Variants in DIAPH3 observed in about 807,000 individuals in gnomAD.
DIAPH3 encodes the protein protein diaphanous homolog 3.
In DIAPH3, 117 loss-of-function variants were observed where a neutral mutation model predicts 144.3. That is an observed-to-expected ratio of 0.81 (90% CI 0.70 to 0.95). The LOEUF (loss-of-function observed/expected upper bound fraction) is 0.95. Ranked by LOEUF, DIAPH3 falls within the 40% of genes least tolerant of loss-of-function variation. The probability of loss-of-function intolerance (pLI) is 0.00; values close to 1 mark genes in which losing one functional copy is unlikely to be tolerated. For missense variants in DIAPH3, 1,421 were observed against 1,412.7 expected (o/e 1.01, Z -0.09); for synonymous variants, 519 against 488.9 (o/e 1.06, Z -0.81).
intron 1 of DIAPH3, chr13:60,144,921 T>C (rs996170238): frequency 6.6e-6 from 1 of 152,222 alleles, no homozygotes; most frequent in Admixed American, 6.5e-5. Flanking sequence ...AGATATTGTA[T>C]AGGGATCTGT....
intron 20 of DIAPH3, 148 bp from the exon 21 acceptor site, chr13:59,879,616 A>G (rs2044873522): frequency 1.7e-6 from 2 of 1,180,074 alleles, no homozygotes; most frequent in Non-Finnish European, 2.3e-6. Context: ...AAGAGAGAAA[A>G]GCCCTGCTTG....
At chr13:59,902,007 C>T (rs1469987980) in intron 20 of DIAPH3, among the ~76,000 whole-genome samples, 1 of 152,184 alleles carries the variant, frequency 6.6e-6, no homozygotes, top group African/African-American at 2.4e-5. Flanking sequence ...TAAGTATACC[C>T]AACCTATCAG....
Position 59,666,341 on chromosome 13 carries a change from G to T in DIAPH3, c.*243C>A. 2.3e-6 allele frequency: 1 copy of T among 429,508 alleles called. No individual in the cohort carries two copies. The highest frequency in any genetic ancestry group is 3.9e-6 in the Non-Finnish European group (1 of 256,574). 26.6% of individuals were successfully genotyped at this position (429,508 alleles called of 1,614,324 possible). A position where few individuals can be genotyped will look rare whatever the true frequency, so the allele number is the denominator to read the frequency against. On this transcript the variant is annotated 3_prime_UTR_variant, in exon 28 of 28. Transcript: ENST00000400324. ...TAATTTAACCACCAAATAAAGAACT[G>T]AGGAATACCAGGAGACAAAAAAAAA... is the stretch of plus-strand genomic sequence containing the variant.
chr13:59,824,326 A>G (rs1451215093), intron 24 of DIAPH3, among the ~76,000 whole-genome samples: 1 of 152,174 alleles, frequency 6.6e-6, no homozygotes, highest in Non-Finnish European at 1.5e-5. Flanking sequence ...GCAGGCTGTT[A>G]TTATCAGAAA....
intron 24 of DIAPH3, among the ~76,000 whole-genome samples, chr13:59,817,183 A>C (rs2040822610): frequency 6.6e-6 from 1 of 151,812 alleles, no homozygotes; most frequent in South Asian, 2.1e-4. Flanking sequence ...TGTATTCTTT[A>C]ATTATCGAGT....
intron 22 of DIAPH3, among the ~76,000 whole-genome samples, chr13:59,856,123 A>G (rs2043240033): frequency 6.6e-6 from 1 of 152,204 alleles, no homozygotes; most frequent in Non-Finnish European, 1.5e-5. Context: ...GAATTGAAGC[A>G]TACTTGCAAT....
chr13:59,813,087 TAA>T (rs1396710440), intron 24 of DIAPH3, among the ~76,000 whole-genome samples: 1 of 151,548 alleles, frequency 6.6e-6, no homozygotes, highest in Non-Finnish European at 1.5e-5. Context: ...ACTGTGTATA[TAA>T]GTGTCACCTG....
At chr13:60,102,730 C>T (rs114719111) in intron 3 of DIAPH3, among the ~76,000 whole-genome samples, 403 of 152,288 alleles carry the variant, frequency 2.6e-3, no homozygotes, top group African/African-American at 9.0e-3. Flanking sequence ...CTAGCAGACC[C>T]ACACTAAACC....
chr13:60,057,759 A>T (rs183694049), intron 4 of DIAPH3, among the ~76,000 whole-genome samples: 1 of 152,070 alleles, frequency 6.6e-6, no homozygotes, highest in East Asian at 1.9e-4. Flanking sequence ...ACAACCACTG[A>T]TCATCAACAA....
At chr13:60,001,814 C>T (rs2052543680) in intron 9 of DIAPH3, among the ~76,000 whole-genome samples, 1 of 152,192 alleles carries the variant, frequency 6.6e-6, no homozygotes, top group South Asian at 2.1e-4. Flanking sequence ...CAAATGGAAG[C>T]TATGCTTAGT....
At chr13:59,717,186 C>T (rs1298195763) in intron 27 of DIAPH3, among the ~76,000 whole-genome samples, 1 of 152,010 alleles carries the variant, frequency 6.6e-6, no homozygotes, top group Non-Finnish European at 1.5e-5. Context: ...TAGAACTACT[C>T]CGAGTTTGGG....
Position 59,980,842 on chromosome 13 carries a change from C to T in DIAPH3, c.1498G>A (p.Ala500Thr). 6.2e-7 allele frequency: 1 copy of T among 1,609,174 alleles called. No homozygotes were observed. Among genetic ancestry groups the T allele is most frequent in the East Asian group, 2.2e-5 (1 of 44,720 alleles). Residue 500 changes from alanine (A) to threonine (T), a missense_variant, in exon 14 of 28, where the codon GCA becomes ACA. Transcript: ENST00000400324. ...TQFVDICIDQ[A>T]KLEEFEEKAS... ...TTCTCTTCAAACTCTTCTAGTTTTG[C>T]TTGATCTATGCAAATGTCTAAAATT...
intron 17 of DIAPH3, among the ~76,000 whole-genome samples, chr13:59,929,816 C>T (rs1196859884): frequency 2.0e-5 from 3 of 151,896 alleles, no homozygotes; most frequent in Non-Finnish European, 4.4e-5. Context: ...AGTGATCCAC[C>T]GGCCTCAGCC....
At chr13:59,667,357 G>A (rs1040974630) in intron 27 of DIAPH3, among the ~76,000 whole-genome samples, 2 of 152,170 alleles carry the variant, frequency 1.3e-5, no homozygotes, top group African/African-American at 4.8e-5. Flanking sequence ...TTTAAATACT[G>A]CTGTAACTTC....
At chr13:59,667,204 G>A (rs9592007) in intron 27 of DIAPH3, among the ~76,000 whole-genome samples, 109,124 of 152,094 alleles carry the variant, frequency 0.72, 39,288 homozygotes, top group East Asian at 0.85. Flanking sequence ...ATCTAAAATA[G>A]CATTTGCCCT....
rs142414424 is a variant in DIAPH3, at chr13:59,795,875, A to G, written c.3163+14913T>C. On this transcript the variant is annotated intron_variant, in intron 25 of 27. Coordinates refer to ENST00000400324, the MANE Select transcript of DIAPH3 (RefSeq NM_001042517.2). ...GTATTTTTCTAAGCTCATGCTTACC[A>G]TTTCCACCCGCTTGCCAGCCATCTT... Among the ~76,000 whole-genome samples the G allele has an allele frequency of 1.4e-4, 21 of 152,216 alleles. No individual in the cohort carries two copies. The East Asian group carries it at 3.7e-3, about 27-fold the overall frequency.
intron 17 of DIAPH3, among the ~76,000 whole-genome samples, chr13:59,946,108 T>C (rs772921945): frequency 6.6e-6 from 1 of 152,176 alleles, no homozygotes; most frequent in Non-Finnish European, 1.5e-5. Flanking sequence ...AACACTTTTA[T>C]GGCTTCCATA....
chr13:59,937,978 CT>C (rs1417234727), intron 17 of DIAPH3, among the ~76,000 whole-genome samples: 2 of 152,014 alleles, frequency 1.3e-5, no homozygotes, highest in African/African-American at 4.8e-5. Context: ...CGTAGTTATC[CT>C]GTCTCTCTCT....
chr13:59,783,769 C>T (rs1325945454), intron 25 of DIAPH3, among the ~76,000 whole-genome samples: 1 of 152,152 alleles, frequency 6.6e-6, no homozygotes, highest in African/African-American at 2.4e-5. Context: ...AGATAAATCA[C>T]GTACAATGCT....
Sources: allele counts gnomAD v4.1 joint callset (sites outside exome capture counted in the v4.1 genomes callset), GRCh38; gene constraint gnomAD v4.1.1; transcripts MANE v1.5; gene names NCBI Gene and HGNC (gene_info 2026-07-23, HGNC 2026-07-21).